GPC3: variants seen among roughly 807,000 people sequenced by gnomAD.
GPC3 encodes the protein glypican 3.
Under a neutral mutation model 34.4 loss-of-function variants are expected in GPC3, and 3 were observed. The ratio of observed to expected loss-of-function variants is 0.09; its 90% CI spans 0.04 to 0.23. GPC3 has a LOEUF of 0.23. Ranked by LOEUF, GPC3 falls within the 10% of genes least tolerant of loss-of-function variation. The pLI, the probability that GPC3 is intolerant of heterozygous loss-of-function variation, is 1.00. For synonymous variants in GPC3, 177 were observed against 174.0 expected (o/e 1.02, Z -0.13); for missense variants, 351 against 445.6 (o/e 0.79, Z 1.91).
At chrX:133,663,702 T>C (rs745863241) in intron 5 of GPC3, among the ~76,000 whole-genome samples, 1 of 111,751 alleles carries the variant, frequency 8.9e-6, no homozygotes, top group Non-Finnish European at 1.9e-5. Context: ...TCACTCTCAC[T>C]GGGTTCCCAA....
Position 133,960,114 on chromosome X carries a change from A to C in GPC3, c.176-6903T>G, listed in dbSNP as rs188367047. ...ACCATACAGAATGGAAAAGATGTGG[A>C]GAGGCCAATGGGTGAAATGTGTTTG... On this transcript the variant is annotated intron_variant, in intron 1 of 7. Coordinates refer to ENST00000370818, the MANE Select transcript of GPC3 (RefSeq NM_004484.4). Among the ~76,000 whole-genome samples the C allele has an allele frequency of 3.4e-3, 375 of 111,053 alleles. 1 individual carries two copies. The highest frequency in any genetic ancestry group is 5.4e-3 in the Non-Finnish European group (287 of 53,052).
chrX:133,893,645 T>G (rs1184733273), intron 2 of GPC3, among the ~76,000 whole-genome samples: 1 of 111,116 alleles, frequency 9.0e-6, no homozygotes, highest in African/African-American at 3.3e-5. Flanking sequence ...GATGTTTCAC[T>G]GCACAAACGA....
chrX:133,876,074 C>T (rs1459451099), intron 2 of GPC3, among the ~76,000 whole-genome samples: 1 of 111,509 alleles, frequency 9.0e-6, no homozygotes, highest in Non-Finnish European at 1.9e-5. Flanking sequence ...ACCATCTAAC[C>T]CAAAGGTTGT....
At chrX:133,794,323 G>A (rs978784097) in intron 2 of GPC3, among the ~76,000 whole-genome samples, 2 of 111,886 alleles carry the variant, frequency 1.8e-5, no homozygotes, top group African/African-American at 6.5e-5. Context: ...ACAGAACAGA[G>A]CAGGGCCTGT....
chrX:133,670,112 C>T (rs7883943), intron 5 of GPC3, among the ~76,000 whole-genome samples: 1,776 of 111,784 alleles, frequency 0.016, 30 homozygotes, highest in African/African-American at 0.054. Flanking sequence ...TAGAGTCAAA[C>T]AAGCGTAAAA....
intron 2 of GPC3, among the ~76,000 whole-genome samples, chrX:133,941,051 ACT>A (rs2076343291): frequency 8.9e-6 from 1 of 112,620 alleles, no homozygotes; most frequent in East Asian, 2.8e-4. Context: ...TAGAAAGAGT[ACT>A]GTTTTTCCAG....
chrX:133,902,371 G>C (rs1257302920), intron 2 of GPC3, among the ~76,000 whole-genome samples: 1 of 112,182 alleles, frequency 8.9e-6, no homozygotes, highest in Non-Finnish European at 1.9e-5. Flanking sequence ...TCTTGGGTTG[G>C]AGGTTGAAGA....
chrX:133,984,868 C>A (rs779522502), intron 1 of GPC3, among the ~76,000 whole-genome samples: 1 of 110,334 alleles, frequency 9.1e-6, no homozygotes, highest in African/African-American at 3.3e-5. Flanking sequence ...GAGCTGTGGT[C>A]CAGCTAAGGC....
chrX:133,776,859 T>C (rs980469863), intron 2 of GPC3, among the ~76,000 whole-genome samples: 8 of 106,045 alleles, frequency 7.5e-5, no homozygotes, highest in Non-Finnish European at 1.5e-4. Flanking sequence ...AGCAAGGAAG[T>C]AGTCACGTCC....
chrX:133,751,469 C>A (rs752703947), intron 3 of GPC3, among the ~76,000 whole-genome samples: 4 of 112,340 alleles, frequency 3.6e-5, no homozygotes, highest in Non-Finnish European at 5.6e-5. Context: ...CATTTTTGTT[C>A]ATTTTACTAT....
At position 133,754,087 on chromosome X, in the gene GPC3, C is replaced by G; in HGVS notation, c.427G>C (p.Glu143Gln). ...TCTGTGAAAAATTCACCCACAAACT[C>G]AAAAGCTTGTGGAGTCAGGCTTGGG... ...NYPSLTPQAF[E>Q]FVGEFFTDVS... Residue 143 changes from glutamate (E) to glutamine (Q), a missense_variant, in exon 3 of 8, where the codon GAG becomes CAG. Coordinates refer to ENST00000370818, the MANE Select transcript of GPC3 (RefSeq NM_004484.4). 1 of 1,207,218 alleles carries G rather than the reference C, an allele frequency of 8.3e-7. No homozygotes were observed. The highest frequency in any genetic ancestry group is 1.1e-6 in the Non-Finnish European group (1 of 892,485).
intron 5 of GPC3, among the ~76,000 whole-genome samples, chrX:133,691,902 G>A (rs1449847951): frequency 8.9e-6 from 1 of 112,305 alleles, no homozygotes; most frequent in African/African-American, 3.2e-5. Flanking sequence ...TTCAAACTTT[G>A]CAACTTCTAG....
chrX:133,635,182 G>A (rs1396328243), intron 6 of GPC3, among the ~76,000 whole-genome samples: 1 of 112,013 alleles, frequency 8.9e-6, no homozygotes, highest in African/African-American at 3.2e-5. Flanking sequence ...TATCCAATGA[G>A]TAAACTCCTT....
chrX:133,957,595 A>G (rs749642596), intron 1 of GPC3, among the ~76,000 whole-genome samples: 1 of 112,352 alleles, frequency 8.9e-6, no homozygotes, highest in Non-Finnish European at 1.9e-5. Flanking sequence ...TGGAATGAAG[A>G]AAAACTAAAA....
chrX:133,858,671 T>TCCTTTTAGAAGA (rs2075918898), intron 2 of GPC3, among the ~76,000 whole-genome samples: 4 of 112,123 alleles, frequency 3.6e-5, no homozygotes, highest in Middle Eastern at 4.6e-3. Flanking sequence ...GAAAAGGATA[T>TCCTTTTAGAAGA]CATTTTAGAA....
intron 2 of GPC3, among the ~76,000 whole-genome samples, chrX:133,809,199 C>A (rs2124525789): frequency 8.9e-6 from 1 of 112,061 alleles, no homozygotes; most frequent in South Asian, 3.7e-4. Flanking sequence ...AATAATTGAC[C>A]AATCCACAGC....
At chrX:133,849,117 CAG>C (rs1164023080) in intron 2 of GPC3, among the ~76,000 whole-genome samples, 3 of 61,517 alleles carry the variant, frequency 4.9e-5, no homozygotes, top group Non-Finnish European at 8.1e-5. Flanking sequence ...TTTTTTGAGA[CAG>C]AGTCTCGCTC....
chrX:133,790,807 T>TA (rs765078863), intron 2 of GPC3, among the ~76,000 whole-genome samples: 13 of 107,704 alleles, frequency 1.2e-4, no homozygotes, highest in East Asian at 5.8e-4. Flanking sequence ...ACCATTATGT[T>TA]AAAAAAAAAA....
At chrX:133,752,253 T>C (rs1349524112) in intron 3 of GPC3, among the ~76,000 whole-genome samples, 2 of 112,008 alleles carry the variant, frequency 1.8e-5, no homozygotes, top group Non-Finnish European at 3.8e-5. Flanking sequence ...ACCCCAATTA[T>C]ATTGATTTGA....
Sources: gnomAD v4.1 joint callset for allele counts (sites outside exome capture counted in the v4.1 genomes callset) on GRCh38, gnomAD v4.1.1 for gene constraint, MANE v1.5 for transcripts, NCBI Gene and HGNC (gene_info 2026-07-23, HGNC 2026-07-21) for gene names.